DHTKD1: variants seen among roughly 807,000 people sequenced by gnomAD.
DHTKD1 encodes dehydrogenase E1 and transketolase domain containing 1, also known as 2-oxoadipate dehydrogenase complex component E1.
In DHTKD1, 78 loss-of-function variants were observed where a neutral mutation model predicts 101.8. That is an observed-to-expected ratio of 0.77 (90% CI 0.64 to 0.93). DHTKD1 has a LOEUF of 0.93. Ranked by LOEUF, DHTKD1 falls within the 40% of genes least tolerant of loss-of-function variation. The pLI, the probability that DHTKD1 is intolerant of heterozygous loss-of-function variation, is 0.00. For synonymous variants in DHTKD1, 462 were observed against 450.3 expected, an observed-to-expected ratio of 1.03 and a Z score of -0.33; for missense variants, 1,223 against 1,161.7, an observed-to-expected ratio of 1.05 and a Z score of -0.77.
intron 8 of DHTKD1, among the ~76,000 whole-genome samples, chr10:12,099,461 C>T (rs139439584): frequency 2.0e-5 from 3 of 152,132 alleles, no homozygotes; most frequent in African/African-American, 7.2e-5. Flanking sequence ...CCAAGCCGGG[C>T]AGATTATTTG....
At chr10:12,071,327 C>G (rs543309078) in intron 1 of DHTKD1, among the ~76,000 whole-genome samples, 130 of 151,900 alleles carry the variant, frequency 8.6e-4, no homozygotes, top group African/African-American at 2.4e-3. Flanking sequence ...ATACTGGGCT[C>G]TCTATTACTA....
chr10:12,075,086 G>A (rs958054792), intron 1 of DHTKD1, among the ~76,000 whole-genome samples: 2 of 152,168 alleles, frequency 1.3e-5, no homozygotes, highest in African/African-American at 4.8e-5. Context: ...ACTCCGGCCT[G>A]TGTGACACAG....
chr10:12,069,962 C>T (rs907396265), intron 1 of DHTKD1, among the ~76,000 whole-genome samples: 2 of 152,106 alleles, frequency 1.3e-5, no homozygotes, highest in African/African-American at 4.8e-5. Flanking sequence ...GGGTCCAAGA[C>T]TGCATTGCTT....
chr10:12,115,810 T>G (rs1833407419), intron 13 of DHTKD1, among the ~76,000 whole-genome samples: 1 of 152,234 alleles, frequency 6.6e-6, no homozygotes, highest in South Asian at 2.1e-4. Context: ...CTTTGTTGCC[T>G]AGGCTGGCAT....
At position 12,121,448 on chromosome 10, in the gene DHTKD1, A is replaced by G. The variant is rs930719160; in HGVS notation, c.*560A>G. On this transcript the variant is annotated 3_prime_UTR_variant, in exon 17 of 17. Coordinates refer to ENST00000263035, the MANE Select transcript of DHTKD1 (RefSeq NM_018706.7). ...GGTAGAAATAGGAAAACAACAAAAG[A>G]AAAACAATAACAAAAAAAGAAAGTG... The G allele has an allele frequency of 6.5e-6, 1 of 152,846 alleles. No homozygotes were observed. Among genetic ancestry groups the G allele is most frequent in the African/African-American group, 2.4e-5 (1 of 41,434 alleles). The allele number at this position is 152,846 out of a possible 1,614,324, so 9.5% of individuals were successfully genotyped here. A position where few individuals can be genotyped will look rare whatever the true frequency, so the allele number is the denominator to read the frequency against.
At chr10:12,069,424 C>T (rs1832616696) in intron 1 of DHTKD1, among the ~76,000 whole-genome samples, 1 of 152,104 alleles carries the variant, frequency 6.6e-6, no homozygotes, top group African/African-American at 2.4e-5. Flanking sequence ...GGTGGTCTTC[C>T]CATCTTGCTG....
chr10:12,091,070 A>T (rs1328522461), intron 5 of DHTKD1, among the ~76,000 whole-genome samples: 2 of 152,094 alleles, frequency 1.3e-5, no homozygotes, highest in African/African-American at 2.4e-5. Context: ...AAACAAAAAA[A>T]GATTGACTTC....
chr10:12,072,046 C>G (rs964873725), intron 1 of DHTKD1, among the ~76,000 whole-genome samples: 2 of 152,124 alleles, frequency 1.3e-5, no homozygotes, highest in Non-Finnish European at 2.9e-5. Context: ...GTGGTGCAGT[C>G]ACAGCTCACT....
At chr10:12,100,540 G>A (rs1054419385) in intron 9 of DHTKD1, among the ~76,000 whole-genome samples, 1 of 151,820 alleles carries the variant, frequency 6.6e-6, no homozygotes, top group Non-Finnish European at 1.5e-5. Flanking sequence ...TAGGATTATG[G>A]GCGTGAGCCA....
At position 12,103,258 on chromosome 10, in the gene DHTKD1, C is replaced by A. The variant is rs747343720; in HGVS notation, c.1896+2077C>A. On this transcript the variant is annotated intron_variant, in intron 10 of 16. Transcript: ENST00000263035. The surrounding 1 kb of genome is among the most constrained non-coding windows in gnomAD (Gnocchi z 4.8). The stretch of plus-strand genomic sequence containing the variant: ...AGTAATTTATTATTTAATACCATGT[C>A]CTCTATGTGAAGACCCTGGGAGAAA... 1.3e-5 allele frequency among the ~76,000 whole-genome samples: 2 copies of A among 152,036 alleles called. No homozygotes were observed. The highest frequency in any genetic ancestry group is 2.9e-5 in the Non-Finnish European group (2 of 68,022).
At chr10:12,093,937 A>G in intron 6 of DHTKD1, 136 bp from the exon 7 acceptor site, 1 of 741,522 alleles carries the variant, frequency 1.3e-6, no homozygotes, top group East Asian at 2.5e-5. Context: ...CTGGTCTCCA[A>G]AGCTGGGGTT....
At position 12,087,387 on chromosome 10, in the gene DHTKD1, GTC is replaced by G; in HGVS notation, c.523-141_523-140del. ...AACCATCCCGCTGTGTCCGTGTTATGTCTCTCTCCGGGATATGTAGTAAAGTG... is the reference window on the plus strand; with the variant it reads ...AACCATCCCGCTGTGTCCGTGTTATGTCTCTCCGGGATATGTAGTAAAGTG... On this transcript the variant is annotated intron_variant, in intron 3 of 16. Coordinates refer to ENST00000263035, the MANE Select transcript of DHTKD1 (RefSeq NM_018706.7). The surrounding 1 kb of genome is among the most constrained non-coding windows in gnomAD (Gnocchi z 5.2). 1 of 609,992 alleles carries G rather than the reference GTC, an allele frequency of 1.6e-6. No individual in the cohort carries two copies. Among genetic ancestry groups the G allele is most frequent in the Non-Finnish European group, 2.8e-6 (1 of 354,538 alleles). The allele number at this position is 609,992 out of a possible 1,614,324, so 37.8% of individuals were successfully genotyped here. A position where few individuals can be genotyped will look rare whatever the true frequency, so the allele number is the denominator to read the frequency against.
chr10:12,119,599 G>A, intron 15 of DHTKD1, among the ~76,000 whole-genome samples: 1 of 134,936 alleles, frequency 7.4e-6, no homozygotes, highest in Non-Finnish European at 1.5e-5. Flanking sequence ...CTGGGCGACA[G>A]AGCGAGACTC....
chr10:12,081,575 G>A lies in DHTKD1; in HGVS notation c.258G>A (p.Val86=), dbSNP rs779415876. Residue 86 remains valine, a synonymous_variant, in exon 2 of 17, where the codon GTG becomes GTA. Transcript: ENST00000263035. Reference sequence around the variant, plus strand: ...CCGGACAAGCCCTGCTGGAGAATGTGCCTGAAATCCAAGCCCTGGTGCAGA... The same window carrying A: ...CCGGACAAGCCCTGCTGGAGAATGTACCTGAAATCCAAGCCCTGGTGCAGA... The part of the protein sequence containing the change: ...LFTGQALLEN[V]PEIQALVQTL... The A allele has an allele frequency of 3.7e-6, 6 of 1,614,064 alleles. No individual in the cohort carries two copies. Among genetic ancestry groups the A allele is most frequent in the East Asian group, 4.5e-5 (2 of 44,894 alleles).
At chr10:12,117,584 T>C in intron 13 of DHTKD1, 89 bp from the exon 14 acceptor site, 2 of 798,508 alleles carry the variant, frequency 2.5e-6, no homozygotes, top group Middle Eastern at 2.3e-4. Context: ...GCTAGAACTT[T>C]GGTACTCGTG....
At chr10:12,097,636 G>A in intron 7 of DHTKD1, 48 bp from the exon 8 acceptor site, 1 of 1,520,376 alleles carries the variant, frequency 6.6e-7, no homozygotes, top group Non-Finnish European at 8.9e-7. Context: ...GTCTCTATTA[G>A]ATTGTTACAG....
In DHTKD1 at chr10:12,087,280, C is replaced by T. The variant is rs1320019218; in HGVS notation, c.523-255C>T. 6.6e-6 allele frequency among the ~76,000 whole-genome samples: 1 copy of T among 152,106 alleles called. No homozygotes were observed. The highest frequency in any genetic ancestry group is 1.5e-5 in the Non-Finnish European group (1 of 68,004). On this transcript the variant is annotated intron_variant, in intron 3 of 16. Coordinates refer to ENST00000263035, the MANE Select transcript of DHTKD1 (RefSeq NM_018706.7). The surrounding 1 kb of genome is among the most constrained non-coding windows in gnomAD (Gnocchi z 5.2). ...ATTCCAGTCCAGAAGAACACACATTCTAAGGGGGTTTCCTTGGGGTGAGTT... is the reference window on the plus strand; with the variant it reads ...ATTCCAGTCCAGAAGAACACACATTTTAAGGGGGTTTCCTTGGGGTGAGTT...
chr10:12,109,213 C>T (rs1833292141), intron 12 of DHTKD1, among the ~76,000 whole-genome samples: 1 of 152,014 alleles, frequency 6.6e-6, no homozygotes, highest in Non-Finnish European at 1.5e-5. Context: ...AGTACTTCAG[C>T]ATGCATATCG....
At chr10:12,120,349 T>C (rs1564400830) in intron 16 of DHTKD1, 82 bp downstream of exon 16, 1 of 1,294,420 alleles carries the variant, frequency 7.7e-7, no homozygotes, top group Non-Finnish European at 1.1e-6. Context: ...CTTTTTTTTT[T>C]TTGAGACAGA....
Sources: gnomAD v4.1 joint callset for allele counts (sites outside exome capture counted in the v4.1 genomes callset) on GRCh38, gnomAD v4.1.1 for gene constraint, Gnocchi (gnomAD v3.1) non-coding constraint, MANE v1.5 for transcripts, NCBI Gene and HGNC (gene_info 2026-07-23, HGNC 2026-07-21) for gene names.